Variants in ZBTB7C observed in about 807,000 individuals in gnomAD.
ZBTB7C encodes the protein zinc finger and BTB domain containing 7C, also known as zinc finger and BTB domain-containing protein 7C.
ZBTB7C carries 8 observed loss-of-function variants against 25.7 expected under a neutral mutation model. The observed-to-expected ratio is 0.31, with a 90% CI of 0.18 to 0.56. ZBTB7C has a LOEUF of 0.56. ZBTB7C is among the 20% of genes least tolerant of loss of function. The pLI is 0.91. For synonymous variants in ZBTB7C, 394 were observed against 369.0 expected (o/e 1.07, Z -0.78); for missense variants, 824 against 855.2 (o/e 0.96, Z 0.46).
At chr18:48,321,232 G>A (rs2046085289) in intron 2 of ZBTB7C, among the ~76,000 whole-genome samples, 1 of 152,172 alleles carries the variant, frequency 6.6e-6, no homozygotes. Context: ...CCTCTCCCTT[G>A]TGGGTGTGTC....
chr18:48,223,850 A>G (rs1023862872), intron 2 of ZBTB7C, among the ~76,000 whole-genome samples: 1 of 152,234 alleles, frequency 6.6e-6, no homozygotes, highest in Non-Finnish European at 1.5e-5. Context: ...TCCCCTTGTG[A>G]TTTAGAAACC....
At chr18:48,039,817 C>G in intron 4 of ZBTB7C, 83 bp downstream of exon 4, 1 of 1,450,820 alleles carries the variant, frequency 6.9e-7, no homozygotes, top group South Asian at 1.2e-5. Flanking sequence ...GTCTCTGTCT[C>G]CACCGCCAGC....
At chr18:48,407,964 G>A (rs1344941203) in intron 1 of ZBTB7C, among the ~76,000 whole-genome samples, 32 of 152,116 alleles carry the variant, frequency 2.1e-4, no homozygotes, top group Admixed American at 2.1e-3. Flanking sequence ...GAAGAACAGG[G>A]CCAAGCCACC....
At chr18:48,284,858 T>C (rs2044993426) in intron 2 of ZBTB7C, among the ~76,000 whole-genome samples, 1 of 150,994 alleles carries the variant, frequency 6.6e-6, no homozygotes, top group Non-Finnish European at 1.5e-5. Context: ...CAGCCTCCTT[T>C]GGTTTTATAG....
intron 3 of ZBTB7C, among the ~76,000 whole-genome samples, chr18:48,044,120 C>T (rs370868643): frequency 2.0e-5 from 3 of 152,146 alleles, no homozygotes; most frequent in East Asian, 1.9e-4. Flanking sequence ...TGAGTGGCCC[C>T]GTTGAACATG....
At chr18:48,400,867 C>A (rs2145310858) in intron 1 of ZBTB7C, among the ~76,000 whole-genome samples, 1 of 152,296 alleles carries the variant, frequency 6.6e-6, no homozygotes, top group South Asian at 2.1e-4. Context: ...TCATATGCTA[C>A]TTATCCAGTC....
rs567861040 is a variant in ZBTB7C, at chr18:48,204,797, G to A, written c.-78-18802C>T. 2.6e-5 allele frequency among the ~76,000 whole-genome samples: 4 copies of A among 152,224 alleles called. No individual in the cohort carries two copies. The East Asian group carries it at 7.7e-4, about 29-fold the overall frequency. On this transcript the variant is annotated intron_variant, in intron 2 of 4. Coordinates refer to ENST00000590800, the MANE Select transcript of ZBTB7C (RefSeq NM_001318841.2). Reference sequence around the variant, plus strand: ...CCCAACACATCCCAGCTATACCCCTGCAGCCTATGCCAGAGGCTCCCATGG... The same window carrying A: ...CCCAACACATCCCAGCTATACCCCTACAGCCTATGCCAGAGGCTCCCATGG...
chr18:48,044,121 G>A (rs137918240), intron 3 of ZBTB7C, among the ~76,000 whole-genome samples: 3 of 152,302 alleles, frequency 2.0e-5, no homozygotes, highest in African/African-American at 7.2e-5. Flanking sequence ...GAGTGGCCCC[G>A]TTGAACATGG....
At chr18:48,135,270 TTAAAAA>T (rs753022101) in intron 3 of ZBTB7C, among the ~76,000 whole-genome samples, 45 of 152,170 alleles carry the variant, frequency 3.0e-4, no homozygotes, top group Non-Finnish European at 5.3e-4. Flanking sequence ...GACTGATTGT[TTAAAAA>T]GAAAATGACA....
intron 2 of ZBTB7C, among the ~76,000 whole-genome samples, chr18:48,229,673 C>A (rs558845463): frequency 1.3e-5 from 2 of 152,296 alleles, no homozygotes; most frequent in Admixed American, 6.5e-5. Flanking sequence ...CTTTATCTGT[C>A]TTTATTTCCA....
At chr18:48,266,530 C>T (rs1471864033) in intron 2 of ZBTB7C, among the ~76,000 whole-genome samples, 1 of 152,220 alleles carries the variant, frequency 6.6e-6, no homozygotes, top group African/African-American at 2.4e-5. Flanking sequence ...TATAGAGAAA[C>T]AGACTTTGTT....
chr18:48,077,097 A>C (rs1031552264), intron 3 of ZBTB7C: 97 of 723,742 alleles, frequency 1.3e-4, no homozygotes, highest in Non-Finnish European at 1.6e-4. Context: ...CTCCTCTATG[A>C]TTTTTTTTCT....
At chr18:48,120,324 G>A (rs766945721) in intron 3 of ZBTB7C, among the ~76,000 whole-genome samples, 6 of 152,118 alleles carry the variant, frequency 3.9e-5, no homozygotes, top group African/African-American at 7.2e-5. Flanking sequence ...CCATGGAGGC[G>A]AAAGAAGTGG....
chr18:48,242,923 C>T (rs2043569049), intron 2 of ZBTB7C, among the ~76,000 whole-genome samples: 1 of 152,146 alleles, frequency 6.6e-6, no homozygotes, highest in South Asian at 2.1e-4. Context: ...TTGCTCACTG[C>T]TGGTATGATC....
intron 1 of ZBTB7C, among the ~76,000 whole-genome samples, chr18:48,339,673 G>C (rs1396235672): frequency 6.6e-6 from 1 of 152,174 alleles, no homozygotes; most frequent in Admixed American, 6.5e-5. Context: ...GTGGGAATGG[G>C]AAGGAGGAGG....
chr18:48,282,601 T>A (rs1011262624), intron 2 of ZBTB7C, among the ~76,000 whole-genome samples: 1 of 152,134 alleles, frequency 6.6e-6, no homozygotes. Context: ...CTAGGAATTA[T>A]CTAAATGCCC....
intron 1 of ZBTB7C, among the ~76,000 whole-genome samples, chr18:48,364,623 T>G (rs1568402308): frequency 6.6e-6 from 1 of 152,202 alleles, no homozygotes; most frequent in Non-Finnish European, 1.5e-5. Flanking sequence ...GGCTTTTGCA[T>G]TTTAATTTTT....
upstream of ZBTB7C, among the ~76,000 whole-genome samples, chr18:48,409,576 G>GC (rs1174311275): frequency 1.3e-5 from 2 of 149,522 alleles, no homozygotes; most frequent in Non-Finnish European, 3.0e-5. Context: ...GCTCGCGCCC[G>GC]CCCCCTCCCC....
intron 3 of ZBTB7C, chr18:48,088,190 A>G (rs2038268527): frequency 6.6e-6 from 1 of 152,252 alleles, no homozygotes; most frequent in Non-Finnish European, 1.5e-5. Flanking sequence ...TTAGTGTCAC[A>G]GTCTAACAGG....
Sources: gnomAD v4.1 joint callset for allele counts (sites outside exome capture counted in the v4.1 genomes callset) on GRCh38, gnomAD v4.1.1 for gene constraint, MANE v1.5 for transcripts, NCBI Gene and HGNC (gene_info 2026-07-23, HGNC 2026-07-21) for gene names.